The following HIBADH variants were observed in gnomAD, a reference collection of about 807,000 sequenced individuals.
The protein encoded by HIBADH is 3-hydroxyisobutyrate dehydrogenase, mitochondrial.
HIBADH carries 25 observed loss-of-function variants against 36.1 expected under a neutral mutation model. The ratio of observed to expected loss-of-function variants is 0.69; its 90% CI spans 0.50 to 0.97. HIBADH has a LOEUF of 0.97. HIBADH is among the 50% of genes least tolerant of loss of function. HIBADH has a pLI of 0.00. For synonymous variants in HIBADH, 160 were observed against 149.5 expected (o/e 1.07, Z -0.51); for missense variants, 421 against 418.0 (o/e 1.01, Z -0.06).
At chr7:27,530,427 G>A (rs955303729) in intron 7 of HIBADH, among the ~76,000 whole-genome samples, 19 of 152,088 alleles carry the variant, frequency 1.2e-4, no homozygotes, top group African/African-American at 3.9e-4. Flanking sequence ...GGCTGGTCTC[G>A]AACTCCTGAC....
intron 2 of HIBADH, among the ~76,000 whole-genome samples, chr7:27,637,312 T>C (rs1785857806): frequency 6.6e-6 from 1 of 152,234 alleles, no homozygotes; most frequent in Admixed American, 6.5e-5. Context: ...CCGGGGTTTA[T>C]ATTTTTAAAT....
At chr7:27,565,879 ATATATGTCATC>A (rs1388519988) in intron 4 of HIBADH, among the ~76,000 whole-genome samples, 3 of 152,134 alleles carry the variant, frequency 2.0e-5, no homozygotes, top group Non-Finnish European at 4.4e-5. Context: ...TGACATACAG[ATATATGTCATC>A]TATATGTCAT....
chr7:27,586,411 G>T (rs1446396173), intron 4 of HIBADH, among the ~76,000 whole-genome samples: 2 of 149,582 alleles, frequency 1.3e-5, no homozygotes, highest in African/African-American at 4.9e-5. Flanking sequence ...GGGAGGGAGG[G>T]GAAGGGGTTG....
intron 4 of HIBADH, among the ~76,000 whole-genome samples, chr7:27,555,930 C>T (rs2128186087): frequency 6.6e-6 from 1 of 152,252 alleles, no homozygotes; most frequent in South Asian, 2.1e-4. Flanking sequence ...TAGCCAACTG[C>T]ATTTCTTTCC....
At chr7:27,570,986 C>T (rs1425353351) in intron 4 of HIBADH, among the ~76,000 whole-genome samples, 1 of 152,082 alleles carries the variant, frequency 6.6e-6, no homozygotes, top group Admixed American at 6.6e-5. Flanking sequence ...CAATTAGATG[C>T]ATGCATAACT....
chr7:27,635,558 G>C (rs1157822801), intron 2 of HIBADH, among the ~76,000 whole-genome samples: 1 of 152,144 alleles, frequency 6.6e-6, no homozygotes, highest in African/African-American at 2.4e-5. Flanking sequence ...TATCTCCAAA[G>C]TAAAAAGGAA....
intron 4 of HIBADH, among the ~76,000 whole-genome samples, chr7:27,598,235 CATGA>C (rs1785063134): frequency 6.6e-6 from 1 of 152,142 alleles, no homozygotes; most frequent in Non-Finnish European, 1.5e-5. Context: ...TGCTATGCTA[CATGA>C]ATGGGAGAAT....
chr7:27,526,341 C>T lies in HIBADH; in HGVS notation c.884G>A (p.Ser295Asn). Residue 295 changes from serine (S) to asparagine (N), a missense_variant, in exon 8 of 8, where the codon AGC becomes AAC. Physicochemically the swap from Ser to Asn is conservative, Grantham distance 46. Coordinates refer to ENST00000265395, the MANE Select transcript of HIBADH (RefSeq NM_152740.4). ...GCCAAGAAGGATTGGGCTCTTTGTG[C>T]TGGTAGCAGAGTCTTGTGCCAATCC... The part of the protein sequence containing the change: ...DLGLAQDSAT[S>N]TKSPILLGSL... 1 of 1,612,734 alleles carries T rather than the reference C, an allele frequency of 6.2e-7. No homozygotes were observed. Among genetic ancestry groups the T allele is most frequent in the Non-Finnish European group, 8.5e-7 (1 of 1,179,438 alleles).
At chr7:27,597,151 T>C (rs1785045777) in intron 4 of HIBADH, among the ~76,000 whole-genome samples, 1 of 152,010 alleles carries the variant, frequency 6.6e-6, no homozygotes, top group Admixed American at 6.6e-5. Flanking sequence ...AGAGACAGCG[T>C]AGCACAAAAA....
intron 4 of HIBADH, among the ~76,000 whole-genome samples, chr7:27,623,971 G>T (rs893229247): frequency 6.6e-6 from 1 of 152,084 alleles, no homozygotes. Context: ...CCAAATTTTT[G>T]TATTTTTAGT....
At chr7:27,573,948 A>G (rs894114421) in intron 4 of HIBADH, among the ~76,000 whole-genome samples, 2 of 152,218 alleles carry the variant, frequency 1.3e-5, no homozygotes, top group African/African-American at 2.4e-5. Context: ...GTGACTACTA[A>G]AAAATTTTAA....
chr7:27,568,921 AT>A (rs70994661), intron 4 of HIBADH, among the ~76,000 whole-genome samples: 8 of 144,312 alleles, frequency 5.5e-5, no homozygotes, highest in South Asian at 2.2e-4. Context: ...TTTTTTCCAA[AT>A]TTTTTTTTTT....
At chr7:27,618,592 C>T (rs745337977) in intron 4 of HIBADH, among the ~76,000 whole-genome samples, 5 of 152,186 alleles carry the variant, frequency 3.3e-5, no homozygotes, top group Admixed American at 6.5e-5. Context: ...TGTGAAAGCC[C>T]AAGAATTGGT....
chr7:27,623,970 TG>T (rs1169759210), intron 4 of HIBADH, among the ~76,000 whole-genome samples: 2 of 152,302 alleles, frequency 1.3e-5, no homozygotes, highest in African/African-American at 4.8e-5. Flanking sequence ...GCCAAATTTT[TG>T]TATTTTTAGT....
At chr7:27,570,201 C>T (rs1481471061) in intron 4 of HIBADH, among the ~76,000 whole-genome samples, 4 of 152,072 alleles carry the variant, frequency 2.6e-5, no homozygotes, top group Non-Finnish European at 4.4e-5. Flanking sequence ...ACAGCTTCTC[C>T]AGGCACTCTG....
chr7:27,606,525 C>T (rs1785231540), intron 4 of HIBADH, among the ~76,000 whole-genome samples: 1 of 152,220 alleles, frequency 6.6e-6, no homozygotes, highest in African/African-American at 2.4e-5. Context: ...CCAGACTAGG[C>T]GCCAGCTGAT....
At chr7:27,585,258 CGTGT>C (rs764404621) in intron 4 of HIBADH, among the ~76,000 whole-genome samples, 3 of 113,726 alleles carry the variant, frequency 2.6e-5, no homozygotes, top group African/African-American at 1.1e-4. Context: ...TATATACACA[CGTGT>C]GTATGTATGT....
chr7:27,590,854 C>T (rs1229605), intron 4 of HIBADH, among the ~76,000 whole-genome samples: 150,601 of 152,314 alleles, frequency 0.99, 74,456 homozygotes, highest in East Asian at 1. Context: ...CTACCAGGTA[C>T]GGTTAAGTGA....
At position 27,562,929 on chromosome 7, in the gene HIBADH, T is replaced by G. The variant is rs185219309; in HGVS notation, c.485-19829A>C. ...TCCTTTTTTTATTTTGAAATTATCA[T>G]GCTGTAAAATTAAATTTTATGTGTG... On this transcript the variant is annotated intron_variant, in intron 4 of 7. Transcript: ENST00000265395. Among the ~76,000 whole-genome samples, 116 of 152,316 alleles carry G rather than the reference T, an allele frequency of 7.6e-4. 2 individuals carry two copies. Among genetic ancestry groups the G allele is most frequent in the African/African-American group, 2.6e-3 (107 of 41,566 alleles).
Sources: gnomAD v4.1 joint callset for allele counts (sites outside exome capture counted in the v4.1 genomes callset) on GRCh38, gnomAD v4.1.1 for gene constraint, MANE v1.5 for transcripts, NCBI Gene and HGNC (gene_info 2026-07-23, HGNC 2026-07-21) for gene names.